ANKFY1: variants seen among roughly 807,000 people sequenced by gnomAD.
ANKFY1 encodes the protein ankyrin repeat and FYVE domain containing 1.
Under a neutral mutation model 128.3 loss-of-function variants are expected in ANKFY1, and 47 were observed. That is an observed-to-expected ratio of 0.37 (90% confidence interval 0.29 to 0.47). ANKFY1 has a LOEUF of 0.47. Among genes scored for constraint, ANKFY1 ranks in the 20% least tolerant of loss-of-function variants. ANKFY1 has a pLI of 1.00. For missense variants in ANKFY1, 1,222 were observed against 1,510.6 expected (o/e 0.81, Z 3.17); for synonymous variants, 553 against 601.6 (o/e 0.92, Z 1.18).
intron 7 of ANKFY1, among the ~76,000 whole-genome samples, chr17:4,203,541 C>T (rs2059969069): frequency 6.6e-6 from 1 of 152,002 alleles, no homozygotes; most frequent in Non-Finnish European, 1.5e-5. Context: ...ATCGGCCAGG[C>T]GCAGTGGCTC....
At chr17:4,244,777 G>C (rs1303742846) in intron 1 of ANKFY1, among the ~76,000 whole-genome samples, 1 of 151,902 alleles carries the variant, frequency 6.6e-6, no homozygotes, top group African/African-American at 2.4e-5. Flanking sequence ...CGCTCTCCTC[G>C]ATCCTCAGGA....
intron 8 of ANKFY1, among the ~76,000 whole-genome samples, chr17:4,196,219 AAAATG>A (rs1195657604): frequency 2.6e-5 from 4 of 151,530 alleles, no homozygotes; most frequent in South Asian, 2.1e-4. Context: ...TTGGAGGAAA[AAAATG>A]AAAGAATCAA....
intron 3 of ANKFY1, chr17:4,222,336 G>T: frequency 1.3e-6 from 1 of 747,448 alleles, no homozygotes; most frequent in Non-Finnish European, 2.5e-6. Flanking sequence ...TTTATTATGT[G>T]ACAAATGACC....
intron 19 of ANKFY1, among the ~76,000 whole-genome samples, chr17:4,174,939 G>C (rs1451452243): frequency 6.6e-6 from 1 of 151,572 alleles, no homozygotes; most frequent in Non-Finnish European, 1.5e-5. Flanking sequence ...ATGTTGCCCA[G>C]ACTGGTGTCA....
chr17:4,214,634 T>G (rs893194076), intron 4 of ANKFY1, among the ~76,000 whole-genome samples: 6 of 151,486 alleles, frequency 4.0e-5, no homozygotes, highest in African/African-American at 1.5e-4. Flanking sequence ...CAAGCGATTC[T>G]CCTGCCTCAG....
In ANKFY1 at chr17:4,167,631, A is replaced by G; in HGVS notation, c.*148T>C. 1 of 688,222 alleles carries G rather than the reference A, an allele frequency of 1.5e-6. No homozygotes were observed. Among genetic ancestry groups the G allele is most frequent in the Non-Finnish European group, 2.2e-6 (1 of 446,494 alleles). 42.6% of individuals were successfully genotyped at this position (688,222 alleles called of 1,614,324 possible). The stretch of plus-strand genomic sequence containing the variant: ...ATCATATGGAATCATTTGAAATGGG[A>G]TCTATCACACCATGGTCCTTAATCG... On this transcript the variant is annotated 3_prime_UTR_variant, in exon 25 of 25. Transcript: ENST00000341657. This position sits in a 1 kb window ranked among gnomAD's most constrained non-coding sequence, Gnocchi z 4.1.
At position 4,206,470 on chromosome 17, in the gene ANKFY1, T is replaced by C. The variant is rs749359655; in HGVS notation, c.749A>G (p.Asn250Ser). The C allele has an allele frequency of 1.2e-6, 2 of 1,612,932 alleles. No individual in the cohort carries two copies. The highest frequency in any genetic ancestry group is 2.7e-5 in the African/African-American group (2 of 74,932). The change falls in exon 7 of 25, where the codon AAT (asparagine) becomes AGT (serine). Residue 250 changes from asparagine (N) to serine (S), a missense_variant. Transcript: ENST00000341657. ...CAGATCTCCGTTATGATCCGCTTCA[T>C]TCAGCTTCCCAGGGAGCTACACAAA... ...EMDSQLPGKL[N>S]EADHNGDLAL...
chr17:4,216,846 G>A (rs2060227877), intron 4 of ANKFY1, 137 bp downstream of exon 4: 5 of 1,210,986 alleles, frequency 4.1e-6, no homozygotes, highest in Non-Finnish European at 5.9e-6. Context: ...GGTAACATCT[G>A]TCCCCAGCAT....
At chr17:4,260,561 T>G (rs1363583038) in intron 1 of ANKFY1, among the ~76,000 whole-genome samples, 1 of 138,090 alleles carries the variant, frequency 7.2e-6, no homozygotes, top group African/African-American at 2.8e-5. Flanking sequence ...GAGATTGCAA[T>G]GAGCTGTGAT....
In ANKFY1 at chr17:4,202,437, G is replaced by A. The variant is rs367667609; in HGVS notation, c.898+3884C>T. ...AAAGAGGCCGGGCGCAGTGGCTCACGCCTGTAATCCCATCACTTTGGGAGG... is the reference window on the plus strand; with the variant it reads ...AAAGAGGCCGGGCGCAGTGGCTCACACCTGTAATCCCATCACTTTGGGAGG... On this transcript the variant is annotated intron_variant, in intron 7 of 24. Transcript: ENST00000341657. Among the ~76,000 whole-genome samples, 315 of 149,778 alleles carry A rather than the reference G, an allele frequency of 2.1e-3. 2 individuals carry two copies. The highest frequency in any genetic ancestry group is 7.1e-3 in the African/African-American group (291 of 40,754).
At position 4,222,520 on chromosome 17, in the gene ANKFY1, C is replaced by G. The variant is rs1301079092; in HGVS notation, c.323-5402G>C. On this transcript the variant is annotated intron_variant, in intron 3 of 24. Transcript: ENST00000341657. ...CATTTCTGTTCAGGGAGAAGTTCTA[C>G]GCACTTTATCAGTATTTCGGGTAGA... The G allele has an allele frequency of 3.2e-5, 32 of 1,009,688 alleles. No homozygotes were observed. In the South Asian group the frequency reaches 4.1e-4, roughly 13 times the overall value. 62.5% of individuals were successfully genotyped at this position (1,009,688 alleles called of 1,614,324 possible).
intron 1 of ANKFY1, among the ~76,000 whole-genome samples, chr17:4,261,299 G>A (rs1045706674): frequency 6.6e-6 from 1 of 152,212 alleles, no homozygotes; most frequent in Non-Finnish European, 1.5e-5. Flanking sequence ...GACCAGCCTA[G>A]CCAACACAGT....
chr17:4,174,080 A>G (rs1184775805), intron 19 of ANKFY1, 24 bp from the exon 20 acceptor site: 26 of 1,610,596 alleles, frequency 1.6e-5, no homozygotes, highest in Non-Finnish European at 2.1e-5. Flanking sequence ...TTACATGAAC[A>G]GTCAGTCTCT....
chr17:4,180,673 C>T (rs550333251), intron 16 of ANKFY1, among the ~76,000 whole-genome samples: 8 of 139,842 alleles, frequency 5.7e-5, no homozygotes, highest in Non-Finnish European at 9.1e-5. Flanking sequence ...AGGAGAATGG[C>T]GTGAACCCAG....
chr17:4,214,398 C>T (rs75781810), intron 4 of ANKFY1, among the ~76,000 whole-genome samples: 6 of 152,082 alleles, frequency 3.9e-5, no homozygotes, highest in African/African-American at 1.4e-4. Context: ...TTAAGATTCT[C>T]GGTTCCTATA....
intron 1 of ANKFY1, among the ~76,000 whole-genome samples, chr17:4,261,466 C>A (rs1311870423): frequency 6.6e-6 from 1 of 152,112 alleles, no homozygotes; most frequent in Non-Finnish European, 1.5e-5. Flanking sequence ...GGCAACAGAG[C>A]GAGACTCCCT....
chr17:4,192,078 T>G (rs2059727147), intron 10 of ANKFY1, among the ~76,000 whole-genome samples: 1 of 78,458 alleles, frequency 1.3e-5, no homozygotes, highest in African/African-American at 4.7e-5. Flanking sequence ...ATCTGGAGAC[T>G]CCTAGTTGAT....
chr17:4,263,255 A>G (rs1246098159), intron 1 of ANKFY1, among the ~76,000 whole-genome samples: 1 of 152,238 alleles, frequency 6.6e-6, no homozygotes, highest in East Asian at 1.9e-4. Flanking sequence ...GCACGAGACC[A>G]GAGGGTAGGC....
Position 4,206,475 on chromosome 17 carries a change from C to G in ANKFY1, c.744G>C (p.Lys248Asn). 3 of 1,612,268 alleles carry G rather than the reference C, an allele frequency of 1.9e-6. No individual in the cohort carries two copies. In the East Asian group the frequency reaches 6.7e-5, roughly 36 times the overall value. The stretch of plus-strand genomic sequence containing the variant: ...CTCCGTTATGATCCGCTTCATTCAG[C>G]TTCCCAGGGAGCTACACAAACAAGT... ...LIEMDSQLPG[K>N]LNEADHNGDL... Residue 248 changes from lysine to asparagine, a missense_variant, in exon 7 of 25, where the codon AAG becomes AAC. Coordinates refer to ENST00000341657, the MANE Select transcript of ANKFY1 (RefSeq NM_001330063.2).
Sources: gnomAD v4.1 joint callset for allele counts (sites outside exome capture counted in the v4.1 genomes callset) on GRCh38, gnomAD v4.1.1 for gene constraint, Gnocchi (gnomAD v3.1) non-coding constraint, MANE v1.5 for transcripts, NCBI Gene and HGNC (gene_info 2026-07-23, HGNC 2026-07-21) for gene names.